The following CNTRL variants were observed in gnomAD, a reference collection of about 807,000 sequenced individuals.
CNTRL encodes centriolin, also known as 110 kDa centrosomal protein.
A neutral mutation model predicts 303.7 loss-of-function variants in CNTRL; 233 were observed. That is an observed-to-expected ratio of 0.77 (90% CI 0.69 to 0.86). CNTRL has a LOEUF of 0.86. CNTRL is among the 40% of genes least tolerant of loss of function. CNTRL has a pLI of 0.00. For synonymous variants in CNTRL, 900 were observed against 922.2 expected (o/e 0.98, Z 0.44); for missense variants, 2,524 against 2,650.6 (o/e 0.95, Z 1.05).
At chr9:121,154,337 A>G (rs1275170804) in intron 26 of CNTRL, among the ~76,000 whole-genome samples, 4 of 152,242 alleles carry the variant, frequency 2.6e-5, no homozygotes, top group Non-Finnish European at 5.9e-5. Flanking sequence ...AGGGCAGCCT[A>G]TGAACTGCCC....
chr9:121,099,595 A>G (rs142717025), intron 7 of CNTRL, among the ~76,000 whole-genome samples: 45 of 152,282 alleles, frequency 3.0e-4, no homozygotes, highest in African/African-American at 1.1e-3. Context: ...GAAGATCGGT[A>G]ATAACAAACT....
intron 10 of CNTRL, among the ~76,000 whole-genome samples, chr9:121,114,830 T>C (rs907716846): frequency 2.6e-5 from 4 of 152,236 alleles, no homozygotes; most frequent in African/African-American, 9.6e-5. Flanking sequence ...GTGTTGGGAA[T>C]AGCCCCTTTC....
chr9:121,142,211 C>T lies in CNTRL; in HGVS notation c.2812C>T (p.Gln938Ter). 1 of 1,612,266 alleles carries T rather than the reference C, an allele frequency of 6.2e-7. No individual in the cohort carries two copies. Among genetic ancestry groups the T allele is most frequent in the Non-Finnish European group, 8.5e-7 (1 of 1,179,408 alleles). ...EIQGLTDLQLQEADEEKERIL... is the reference protein window; with the variant it reads ...EIQGLTDLQL ...CCAAGGCCTTACAGATCTCCAACTT[C>T]AGGAAGCTGATGAAGAGAAGGAGAG... The change falls in exon 19 of 44, where the codon CAG (glutamine) becomes TAG (stop). Residue 938 changes from glutamine (Q) to a stop codon, truncating the protein, a stop_gained. Coordinates refer to ENST00000373855, the MANE Select transcript of CNTRL (RefSeq NM_007018.6). LOFTEE classifies it high-confidence loss of function.
intron 8 of CNTRL, among the ~76,000 whole-genome samples, chr9:121,108,668 T>C (rs1221236837): frequency 1.3e-5 from 2 of 152,140 alleles, no homozygotes; most frequent in Non-Finnish European, 2.9e-5. Flanking sequence ...GCGCCATCGC[T>C]CATGCCTTTA....
At position 121,175,083 on chromosome 9, in the gene CNTRL, G is replaced by C. The variant is rs747823978; in HGVS notation, c.6813G>C (p.Glu2271Asp). 8.7e-6 allele frequency: 14 copies of C among 1,613,836 alleles called. No homozygotes were observed. The highest frequency in any genetic ancestry group is 3.3e-4 in the Middle Eastern group (2 of 6,084). ...EVLIKGKRQTEGTLHSLRRQV... is the reference protein window; with the variant it reads ...EVLIKGKRQTDGTLHSLRRQV... Reference sequence around the variant, plus strand: ...TAATTAAAGGAAAGCGGCAGACAGAGGGCACTTTACACAGTTTGAGGAGAC... The same window carrying C: ...TAATTAAAGGAAAGCGGCAGACAGACGGCACTTTACACAGTTTGAGGAGAC... Residue 2271 changes from glutamate to aspartate, a missense_variant, in exon 43 of 44, where the codon GAG (glutamate) becomes GAC (aspartate). Glu to Asp is a conservative substitution (Grantham distance 45). Coordinates refer to ENST00000373855, the MANE Select transcript of CNTRL (RefSeq NM_007018.6).
chr9:121,128,203 C>T (rs1168400070), intron 14 of CNTRL, among the ~76,000 whole-genome samples: 1 of 152,148 alleles, frequency 6.6e-6, no homozygotes, highest in African/African-American at 2.4e-5. Context: ...AGTTCTAGAT[C>T]CTTGAGGAAT....
At chr9:121,173,974 G>T (rs1021414675) in intron 42 of CNTRL, among the ~76,000 whole-genome samples, 1 of 152,168 alleles carries the variant, frequency 6.6e-6, no homozygotes, top group Non-Finnish European at 1.5e-5. Context: ...ATGTAATGCT[G>T]CTTTACCTCA....
At chr9:121,125,580 A>G in intron 13 of CNTRL, 136 bp from the exon 14 acceptor site, 1 of 739,388 alleles carries the variant, frequency 1.4e-6, no homozygotes, top group Non-Finnish European at 2.2e-6. Flanking sequence ...AAAATTTAAC[A>G]TTATGTTTTG....
chr9:121,133,635 C>T (rs751485848), intron 14 of CNTRL, among the ~76,000 whole-genome samples: 2 of 152,326 alleles, frequency 1.3e-5, no homozygotes, highest in Non-Finnish European at 1.5e-5. Flanking sequence ...TGCCCTGCTT[C>T]GGGTCGCCCT....
In CNTRL at chr9:121,112,453, C is replaced by A; in HGVS notation, c.1003-6C>A. 1 of 1,611,598 alleles carries A rather than the reference C, an allele frequency of 6.2e-7. No individual in the cohort carries two copies. Among genetic ancestry groups the A allele is most frequent in the South Asian group, 1.1e-5 (1 of 90,946 alleles). Reference sequence around the variant, plus strand: ...TATGTTGTCTCATATCAAATTGGGCCAATAGCTAAAACAGAAGACCATAGA... The same window carrying A: ...TATGTTGTCTCATATCAAATTGGGCAAATAGCTAAAACAGAAGACCATAGA... On this transcript the variant is annotated splice_polypyrimidine_tract_variant and splice_region_variant and intron_variant, in intron 8 of 43. Transcript: ENST00000373855.
Position 121,167,644 on chromosome 9 carries a change from A to G in CNTRL, c.5811A>G (p.Glu1937=). 1 of 1,614,192 alleles carries G rather than the reference A, an allele frequency of 6.2e-7. No individual in the cohort carries two copies. The highest frequency in any genetic ancestry group is 8.5e-7 in the Non-Finnish European group (1 of 1,180,012). Residue 1937 remains glutamate, a synonymous_variant, in exon 37 of 44, where the codon GAA becomes GAG. Transcript: ENST00000373855. The stretch of plus-strand genomic sequence containing the variant: ...TTCAAGTGCTTCAGAATGAGATTGA[A>G]GAAAACAAGCTCAAACTAGTCCAAC... The part of the protein sequence containing the change: ...QQLQVLQNEI[E]ENKLKLVQQE...
At chr9:121,137,523 A>G (rs142019279) in intron 15 of CNTRL, among the ~76,000 whole-genome samples, 112 of 152,334 alleles carry the variant, frequency 7.4e-4, no homozygotes, top group African/African-American at 2.5e-3. Context: ...AATAATTCAT[A>G]TGGTTAGAAA....
rs2051327288 is a variant in CNTRL at position 121,138,607 on chromosome 9, T to C, written c.2265T>C (p.Leu755=). ...EKERQALKNA[L]GKAQFSEEKE... The stretch of plus-strand genomic sequence containing the variant: ...AAAGGCAAGCCCTCAAGAATGCCCT[T>C]GGAAAAGCCCAGTTCTCAGAAGAAA... The change falls in exon 16 of 44, where the codon CTT becomes CTC. Residue 755 remains leucine, a synonymous_variant. Transcript: ENST00000373855. The C allele has an allele frequency of 2.5e-6, 4 of 1,613,870 alleles. No homozygotes were observed. The highest frequency in any genetic ancestry group is 3.4e-6 in the Non-Finnish European group (4 of 1,179,870).
At chr9:121,168,384 CA>C in intron 38 of CNTRL, 63 bp downstream of exon 38, 2 of 1,468,350 alleles carry the variant, frequency 1.4e-6, no homozygotes, top group Non-Finnish European at 1.9e-6. Flanking sequence ...GGTTGTCTTG[CA>C]AAAGTATTTA....
At chr9:121,115,303 G>A (rs916383841) in intron 11 of CNTRL, 103 bp downstream of exon 11, 51 of 555,702 alleles carry the variant, frequency 9.2e-5, no homozygotes, top group Middle Eastern at 3.4e-4. Context: ...TAGCTGCCTA[G>A]TTAATTATGG....
chr9:121,083,952 T>TATA (rs1439406652), intron 2 of CNTRL, among the ~76,000 whole-genome samples: 1 of 152,258 alleles, frequency 6.6e-6, no homozygotes, highest in Non-Finnish European at 1.5e-5. Flanking sequence ...TTTCACAATA[T>TATA]CACATATATG....
At chr9:121,167,087 A>G (rs548433348) in intron 36 of CNTRL, among the ~76,000 whole-genome samples, 46 of 152,038 alleles carry the variant, frequency 3.0e-4, no homozygotes, top group Admixed American at 7.2e-4. Context: ...AGGCAGGTGG[A>G]TCACTTGAGC....
Position 121,157,457 on chromosome 9 carries a change from G to C in CNTRL, c.4366-13G>C, listed in dbSNP as rs777472699. 6.2e-7 allele frequency: 1 copy of C among 1,611,704 alleles called. No homozygotes were observed. Among genetic ancestry groups the C allele is most frequent in the Non-Finnish European group, 8.5e-7 (1 of 1,178,924 alleles). On this transcript the variant is annotated splice_polypyrimidine_tract_variant and intron_variant, in intron 27 of 43. Coordinates refer to ENST00000373855, the MANE Select transcript of CNTRL (RefSeq NM_007018.6). ...TGTAACTGAATGGCTTTTAATGACA[G>C]TTTCTTTTCTAGACAAAAAATGCTG...
chr9:121,154,607 C>A, intron 26 of CNTRL, 114 bp from the exon 27 acceptor site: 1 of 636,528 alleles, frequency 1.6e-6, no homozygotes, highest in Non-Finnish European at 2.7e-6. Flanking sequence ...GTCTTTCTTA[C>A]CTATTCTCAT....
Sources: allele counts gnomAD v4.1 joint callset (sites outside exome capture counted in the v4.1 genomes callset), GRCh38; gene constraint gnomAD v4.1.1; transcripts MANE v1.5; gene names NCBI Gene and HGNC (gene_info 2026-07-23, HGNC 2026-07-21).